The following WWC1 variants were observed in gnomAD, a reference collection of about 807,000 sequenced individuals.
The protein encoded by WWC1 is WW and C2 domain containing 1, also known as protein KIBRA.
WWC1 carries 55 observed loss-of-function variants against 138.4 expected under a neutral mutation model. The ratio of observed to expected loss-of-function variants is 0.40; its 90% CI spans 0.32 to 0.50. The LOEUF is 0.50. WWC1 is among the 20% of genes least tolerant of loss of function. WWC1 has a pLI of 0.72. For synonymous variants in WWC1, 524 were observed against 564.9 expected (o/e 0.93, Z 1.03); for missense variants, 1,226 against 1,420.4 (o/e 0.86, Z 2.20).
rs745648602 is a variant in WWC1 at position 168,453,938 on chromosome 5, G to A, written c.2526-30G>A. On this transcript the variant is annotated intron_variant, in intron 17 of 22. Coordinates refer to ENST00000265293, the MANE Select transcript of WWC1 (RefSeq NM_015238.3). Reference sequence around the variant, plus strand: ...TGAACAGAGGCAGAGCGGCTTCTGGGTGGGTAACCAAAGTGCTTTGTCATC... The same window carrying A: ...TGAACAGAGGCAGAGCGGCTTCTGGATGGGTAACCAAAGTGCTTTGTCATC... 5.0e-6 allele frequency: 8 copies of A among 1,611,208 alleles called. No individual in the cohort carries two copies. The East Asian group carries it at 6.7e-5, about 13-fold the overall frequency.
chr5:168,346,818 A>G (rs1030840522), intron 1 of WWC1, among the ~76,000 whole-genome samples: 8 of 152,126 alleles, frequency 5.3e-5, no homozygotes, highest in African/African-American at 1.9e-4. Flanking sequence ...GTTTGGTTCC[A>G]TGTAAAACAA....
intron 1 of WWC1, among the ~76,000 whole-genome samples, chr5:168,345,853 C>G (rs1561638325): frequency 6.6e-6 from 1 of 152,080 alleles, no homozygotes; most frequent in Non-Finnish European, 1.5e-5. Flanking sequence ...TTGACTTTCC[C>G]CTGATTAAGA....
intron 5 of WWC1, among the ~76,000 whole-genome samples, chr5:168,403,062 CTTTCTTTCTTTCTTTCT>C (rs1779478814): frequency 1.7e-5 from 2 of 119,078 alleles, no homozygotes; most frequent in African/African-American, 3.7e-5. Context: ...TTCTTTCTTT[CTTTCTTTCTTTCTTTCT>C]TTTCTTTCTT....
At chr5:168,446,766 C>A (rs749400793) in intron 17 of WWC1, among the ~76,000 whole-genome samples, 8 of 152,172 alleles carry the variant, frequency 5.3e-5, no homozygotes, top group Non-Finnish European at 1.0e-4. Context: ...TAATGAAGAT[C>A]AGGTGCAAAG....
At chr5:168,330,788 A>G (rs948928103) in intron 1 of WWC1, among the ~76,000 whole-genome samples, 4 of 152,132 alleles carry the variant, frequency 2.6e-5, no homozygotes, top group African/African-American at 4.8e-5. Flanking sequence ...GGGCTCTGCA[A>G]TTGAGGAAGC....
At chr5:168,383,202 AAAAAAG>A (rs1777779674) in intron 2 of WWC1, among the ~76,000 whole-genome samples, 1 of 151,786 alleles carries the variant, frequency 6.6e-6, no homozygotes, top group Non-Finnish European at 1.5e-5. Context: ...AAAAGAAAAG[AAAAAAG>A]AAAAAGAAAA....
Position 168,460,747 on chromosome 5 carries a change from G to C in WWC1, c.2916+5G>C, listed in dbSNP as rs6891489. 4.1e-5 allele frequency: 66 copies of C among 1,614,034 alleles called. No homozygotes were observed. In the African/African-American group the frequency reaches 7.7e-4, roughly 19 times the overall value. The stretch of plus-strand genomic sequence containing the variant: ...CGCAGCGTCCGGATGAAGCGGGTAA[G>C]AGAGTCACCTCAAAGCTATTTTTCT... On this transcript the variant is annotated splice_donor_5th_base_variant and intron_variant, in intron 20 of 22. Coordinates refer to ENST00000265293, the MANE Select transcript of WWC1 (RefSeq NM_015238.3).
At chr5:168,436,901 T>C (rs1316939510) in intron 15 of WWC1, among the ~76,000 whole-genome samples, 2 of 152,208 alleles carry the variant, frequency 1.3e-5, no homozygotes, top group Non-Finnish European at 2.9e-5. Flanking sequence ...CCTGTTTAAA[T>C]GTAAATCAGT....
rs1245288638 is a variant in WWC1 at position 168,467,958 on chromosome 5, C to G, written c.3269C>G (p.Ser1090Cys). 6 of 1,614,236 alleles carry G rather than the reference C, an allele frequency of 3.7e-6. No homozygotes were observed. In the South Asian group the frequency reaches 6.6e-5, roughly 18 times the overall value. Residue 1090 changes from serine (S) to cysteine (C), a missense_variant, in exon 22 of 23, where the codon TCT becomes TGT. Ser to Cys is a moderately radical substitution (Grantham distance 112). This residue lies in a region of WWC1 where 206 missense variants were observed against 247.4 expected (regional missense o/e 0.83). Coordinates refer to ENST00000265293, the MANE Select transcript of WWC1 (RefSeq NM_015238.3). ...TGTAAGGAACCCCCAGAAGTTCAGT[C>G]TTTCAGGTAAGCAGAGGGCCCCGGC... ...QSCKEPPEVQ[S>C]FREKMAFFTR...
At chr5:168,314,631 C>T (rs1417561825) in intron 1 of WWC1, among the ~76,000 whole-genome samples, 1 of 152,078 alleles carries the variant, frequency 6.6e-6, no homozygotes, top group Admixed American at 6.5e-5. Context: ...ATGCCTTGGG[C>T]CAAGGCTTTG....
chr5:168,294,001 G>T (rs1182684250), intron 1 of WWC1, among the ~76,000 whole-genome samples: 1 of 152,122 alleles, frequency 6.6e-6, no homozygotes, highest in Admixed American at 6.5e-5. Flanking sequence ...ACAGACACAA[G>T]TTCAAACATA....
chr5:168,451,694 G>A (rs779700386), intron 17 of WWC1, among the ~76,000 whole-genome samples: 1 of 152,072 alleles, frequency 6.6e-6, no homozygotes, highest in Non-Finnish European at 1.5e-5. Flanking sequence ...CTTGGCGACA[G>A]AGCAAGATGC....
intron 2 of WWC1, among the ~76,000 whole-genome samples, chr5:168,380,644 C>A (rs1215921371): frequency 6.6e-6 from 1 of 152,158 alleles, no homozygotes; most frequent in African/African-American, 2.4e-5. Flanking sequence ...CATATACTTG[C>A]GAAGTATAAT....
At chr5:168,424,611 A>C (rs1182058340) in intron 11 of WWC1, among the ~76,000 whole-genome samples, 2 of 152,190 alleles carry the variant, frequency 1.3e-5, no homozygotes, top group Non-Finnish European at 2.9e-5. Context: ...GAATGGTGAG[A>C]TGGAGCCAGC....
At chr5:168,364,604 A>G (rs1317906100) in intron 1 of WWC1, among the ~76,000 whole-genome samples, 2 of 152,210 alleles carry the variant, frequency 1.3e-5, no homozygotes, top group African/African-American at 2.4e-5. Flanking sequence ...AGTGCCTAGC[A>G]TGGGCCTGGA....
At chr5:168,384,299 G>T (rs1235167006) in intron 2 of WWC1, among the ~76,000 whole-genome samples, 1 of 152,150 alleles carries the variant, frequency 6.6e-6, no homozygotes, top group Admixed American at 6.5e-5. Context: ...AAAGTTCTTA[G>T]AACAGCACTT....
chr5:168,301,895 C>T lies in WWC1; in HGVS notation c.119+9624C>T, dbSNP rs35333805. Among the ~76,000 whole-genome samples the T allele has an allele frequency of 5.8e-3, 888 of 152,282 alleles. 8 individuals carry two copies. Among genetic ancestry groups the T allele is most frequent in the South Asian group, 0.014 (67 of 4,826 alleles). ...CAACTCAGGTCTCTTCCTGGCGGGC[C>T]ATGGCTCACCTGAGCCACACTGACA... On this transcript the variant is annotated intron_variant, in intron 1 of 22. Coordinates refer to ENST00000265293, the MANE Select transcript of WWC1 (RefSeq NM_015238.3).
intron 11 of WWC1, among the ~76,000 whole-genome samples, chr5:168,426,626 C>G (rs148022168): frequency 0.011 from 1,699 of 152,308 alleles, 10 homozygotes; most frequent in Non-Finnish European, 0.018. Flanking sequence ...GGTGGAGATG[C>G]GTGGGTCTGA....
chr5:168,439,948 A>G (rs1582304941), intron 15 of WWC1, among the ~76,000 whole-genome samples: 1 of 152,204 alleles, frequency 6.6e-6, no homozygotes, highest in Non-Finnish European at 1.5e-5. Context: ...AATGATACAC[A>G]GTTTTCTACC....
Sources: allele counts gnomAD v4.1 joint callset (sites outside exome capture counted in the v4.1 genomes callset), GRCh38; gene constraint gnomAD v4.1.1; regional missense constraint gnomAD v4.1.1; transcripts MANE v1.5; gene names NCBI Gene and HGNC (gene_info 2026-07-23, HGNC 2026-07-21).